The following HTRA3 variants were observed in gnomAD, a reference collection of about 807,000 sequenced individuals.
HTRA3 encodes HtrA serine peptidase 3, also known as serine protease HTRA3.
In HTRA3, 41 loss-of-function variants were observed where a neutral mutation model predicts 43.2. The ratio of observed to expected loss-of-function variants is 0.95; its 90% CI spans 0.74 to 1.23. HTRA3 has a LOEUF of 1.23. Ranked by LOEUF, HTRA3 falls within the 50% of genes most tolerant of loss-of-function variation. HTRA3 has a pLI of 0.00. For synonymous variants in HTRA3, 295 were observed against 287.9 expected, an observed-to-expected ratio of 1.02 and a Z score of -0.25; for missense variants, 628 against 647.1, an observed-to-expected ratio of 0.97 and a Z score of 0.32.
chr4:8,274,815 C>A (rs189791607), intron 1 of HTRA3, among the ~76,000 whole-genome samples: 2 of 152,314 alleles, frequency 1.3e-5, no homozygotes, highest in East Asian at 3.9e-4. Flanking sequence ...GCCATGCGCT[C>A]AGAATGTAGA....
In HTRA3 at chr4:8,295,908, A is replaced by C; in HGVS notation, c.1051+1707A>C. On this transcript the variant is annotated intron_variant, in intron 6 of 8. Coordinates refer to ENST00000307358, the MANE Select transcript of HTRA3 (RefSeq NM_053044.5). This position sits in a 1 kb window ranked among gnomAD's most constrained non-coding sequence, Gnocchi z 6.9. ...AGCCAGGCAGAGCCTGTCTTTCCCAAAGAAGCTGAAGTCTTCTTCTCTTGA... is the reference window on the plus strand; with the variant it reads ...AGCCAGGCAGAGCCTGTCTTTCCCACAGAAGCTGAAGTCTTCTTCTCTTGA... 8.1e-7 allele frequency: 1 copy of C among 1,232,184 alleles called. No homozygotes were observed. The highest frequency in any genetic ancestry group is 1.0e-6 in the Non-Finnish European group (1 of 987,324). 76.3% of individuals were successfully genotyped at this position (1,232,184 alleles called of 1,614,324 possible). A position where few individuals can be genotyped will look rare whatever the true frequency, so the allele number is the denominator to read the frequency against.
intron 3 of HTRA3, among the ~76,000 whole-genome samples, chr4:8,287,505 G>A (rs1244375839): frequency 3.3e-5 from 5 of 152,140 alleles, no homozygotes; most frequent in Admixed American, 1.3e-4. Context: ...CAATCATGAC[G>A]GAAGGCAAAG....
rs1712652304 is a variant in HTRA3 at position 8,279,388 on chromosome 4, A to T, written c.386-3049A>T. ...ATCATCCCCTATAAAATCGAGTGTC[A>T]CCTATTTTAAGTGACCTCTGGGAGA... On this transcript the variant is annotated intron_variant, in intron 1 of 8. Transcript: ENST00000307358. The surrounding 1 kb of genome is among the most constrained non-coding windows in gnomAD (Gnocchi z 7.4). Among the ~76,000 whole-genome samples, 2 of 152,142 alleles carry T rather than the reference A, an allele frequency of 1.3e-5. No homozygotes were observed. The highest frequency in any genetic ancestry group is 4.1e-4 in the South Asian group (2 of 4,820).
chr4:8,272,956 G>A (rs937030089), intron 1 of HTRA3, among the ~76,000 whole-genome samples: 19 of 152,218 alleles, frequency 1.2e-4, no homozygotes, highest in African/African-American at 4.1e-4. Flanking sequence ...GCCAGCTTTC[G>A]GCAGGGCGAC....
intron 8 of HTRA3, among the ~76,000 whole-genome samples, 192 bp downstream of exon 8, chr4:8,304,471 C>T (rs1169280984): frequency 6.6e-6 from 1 of 152,066 alleles, no homozygotes. Flanking sequence ...TGACTGTGTA[C>T]GTCCTAAGTC....
At chr4:8,299,886 C>T (rs1020079499) in intron 6 of HTRA3, among the ~76,000 whole-genome samples, 7 of 146,592 alleles carry the variant, frequency 4.8e-5, no homozygotes, top group Non-Finnish European at 7.4e-5. Context: ...GTCGCCCAGG[C>T]TGGAGTACGG....
intron 6 of HTRA3, among the ~76,000 whole-genome samples, chr4:8,300,966 T>C (rs986178969): frequency 1.2e-4 from 18 of 152,088 alleles, no homozygotes; most frequent in Non-Finnish European, 2.2e-4. Context: ...AGCTTTATTA[T>C]TGAGTCACAC....
chr4:8,273,631 C>T (rs1021516374), intron 1 of HTRA3, among the ~76,000 whole-genome samples: 3 of 151,758 alleles, frequency 2.0e-5, no homozygotes, highest in Non-Finnish European at 2.9e-5. Flanking sequence ...GTTAGAGTCA[C>T]GTGGAGATGC....
Position 8,279,002 on chromosome 4 carries a change from C to T in HTRA3, c.386-3435C>T, listed in dbSNP as rs934630987. ...TCTTCCTCCCCTCCTCTCTCCGCCC[C>T]TCCTCCCCCTCCATCCCTTCCCTCT... On this transcript the variant is annotated intron_variant, in intron 1 of 8. Transcript: ENST00000307358. This position sits in a 1 kb window ranked among gnomAD's most constrained non-coding sequence, Gnocchi z 7.4. 5.3e-5 allele frequency among the ~76,000 whole-genome samples: 8 copies of T among 152,162 alleles called. No individual in the cohort carries two copies. Among genetic ancestry groups the T allele is most frequent in the Admixed American group, 1.3e-4 (2 of 15,280 alleles).
intron 1 of HTRA3, among the ~76,000 whole-genome samples, chr4:8,274,641 C>G (rs971020945): frequency 6.6e-6 from 1 of 152,204 alleles, no homozygotes; most frequent in African/African-American, 2.4e-5. Flanking sequence ...GTTAAGGCAT[C>G]GCAGTTGCAC....
At chr4:8,282,559 T>G (rs1452275496) in intron 2 of HTRA3, 23 bp downstream of exon 2, 2 of 1,564,992 alleles carry the variant, frequency 1.3e-6, no homozygotes, top group South Asian at 2.2e-5. Flanking sequence ...CCCTCGCCCC[T>G]CTCTGCCTCC....
intron 1 of HTRA3, 145 bp from the exon 2 acceptor site, chr4:8,282,292 C>A (rs147333873): frequency 1.4e-5 from 9 of 657,582 alleles, no homozygotes; most frequent in African/African-American, 3.6e-5. Context: ...GGGTCCCCAA[C>A]GGGCTCAGTG....
At chr4:8,272,796 C>G (rs1054634755) in intron 1 of HTRA3, among the ~76,000 whole-genome samples, 1 of 152,200 alleles carries the variant, frequency 6.6e-6, no homozygotes, top group African/African-American at 2.4e-5. Context: ...GCCACCAGAG[C>G]CCACGGAGCC....
intron 2 of HTRA3, among the ~76,000 whole-genome samples, chr4:8,283,948 G>T (rs1460109213): frequency 6.6e-6 from 1 of 152,184 alleles, no homozygotes; most frequent in African/African-American, 2.4e-5. Flanking sequence ...CTGTCACTAG[G>T]CGTCACGGCC....
intron 5 of HTRA3, among the ~76,000 whole-genome samples, chr4:8,293,469 T>A (rs1409377415): frequency 1.3e-5 from 2 of 152,058 alleles, no homozygotes; most frequent in Admixed American, 6.5e-5. Flanking sequence ...CCTGGTGAGC[T>A]GGCCAGGCCC....
chr4:8,283,995 T>C (rs1291509992), intron 2 of HTRA3, among the ~76,000 whole-genome samples: 1 of 152,054 alleles, frequency 6.6e-6, no homozygotes, highest in African/African-American at 2.4e-5. Context: ...CCAGCAGAGG[T>C]CGTGCTCCTT....
At chr4:8,278,965 C>T (rs978622255) in intron 1 of HTRA3, among the ~76,000 whole-genome samples, 14 of 152,156 alleles carry the variant, frequency 9.2e-5, no homozygotes, top group African/African-American at 3.4e-4. Flanking sequence ...GAACTTCTCT[C>T]CCTTCTCTCT....
Position 8,286,508 on chromosome 4 carries a change from C to G in HTRA3, c.486-53C>G, listed in dbSNP as rs1344115157. 6.7e-7 allele frequency: 1 copy of G among 1,482,388 alleles called. No individual in the cohort carries two copies. The highest frequency in any genetic ancestry group is 9.4e-7 in the Non-Finnish European group (1 of 1,066,204). The allele number at this position is 1,482,388 out of a possible 1,614,324, so 91.8% of individuals were successfully genotyped here. A position where few individuals can be genotyped will look rare whatever the true frequency, so the allele number is the denominator to read the frequency against. On this transcript the variant is annotated intron_variant, in intron 2 of 8. Coordinates refer to ENST00000307358, the MANE Select transcript of HTRA3 (RefSeq NM_053044.5). This position sits in a 1 kb window ranked among gnomAD's most constrained non-coding sequence, Gnocchi z 4.9. ...ACCAGCCCCACCACTGCGCCTGACTCCCCCGCGTCCTAGCCCCACCCTAAA... is the reference window on the plus strand; with the variant it reads ...ACCAGCCCCACCACTGCGCCTGACTGCCCCGCGTCCTAGCCCCACCCTAAA...
chr4:8,294,566 ATCCGTCCG>A (rs140885403), intron 6 of HTRA3, among the ~76,000 whole-genome samples: 4 of 60,066 alleles, frequency 6.7e-5, no homozygotes, highest in African/African-American at 3.3e-4. Flanking sequence ...CTTTCCTTCT[ATCCGTCCG>A]TCCGTCCGTC....
Sources: allele counts gnomAD v4.1 joint callset (sites outside exome capture counted in the v4.1 genomes callset), GRCh38; gene constraint gnomAD v4.1.1; non-coding constraint Gnocchi (gnomAD v3.1); transcripts MANE v1.5; gene names NCBI Gene and HGNC (gene_info 2026-07-23, HGNC 2026-07-21).